Variants in KLHDC4 observed in about 807,000 individuals in gnomAD.
The protein encoded by KLHDC4 is kelch domain containing 4.
Under a neutral mutation model 62.4 loss-of-function variants are expected in KLHDC4, and 90 were observed. The observed-to-expected ratio is 1.44, with a 90% CI of 1.22 to 1.72. KLHDC4 has a LOEUF of 1.72. KLHDC4 is among the 40% of genes most tolerant of loss of function. The pLI, the probability that KLHDC4 is intolerant of heterozygous loss-of-function variation, is 0.00. For missense variants in KLHDC4, 1,025 were observed against 699.7 expected, an observed-to-expected ratio of 1.47 and a Z score of -5.25; for synonymous variants, 386 against 284.4, an observed-to-expected ratio of 1.36 and a Z score of -3.59.
intron 7 of KLHDC4, among the ~76,000 whole-genome samples, chr16:87,722,885 G>C (rs1186817984): frequency 5.3e-5 from 8 of 152,248 alleles, no homozygotes; most frequent in South Asian, 4.1e-4. Context: ...ACCTCTACTT[G>C]CTCAGTGAAA....
chr16:87,764,019 T>A (rs1048831203), intron 1 of KLHDC4, among the ~76,000 whole-genome samples: 8 of 152,118 alleles, frequency 5.3e-5, no homozygotes, highest in African/African-American at 1.9e-4. Flanking sequence ...CAGGACTAAG[T>A]GAAGGTGCGA....
At chr16:87,735,960 G>A (rs955001764) in intron 5 of KLHDC4, among the ~76,000 whole-genome samples, 15 of 152,188 alleles carry the variant, frequency 9.9e-5, no homozygotes, top group Non-Finnish European at 1.8e-4. Context: ...CACTCTGCAT[G>A]CAAACGCTTC....
intron 7 of KLHDC4, among the ~76,000 whole-genome samples, chr16:87,723,241 G>C (rs574422349): frequency 6.6e-6 from 1 of 152,152 alleles, no homozygotes; most frequent in African/African-American, 2.4e-5. Context: ...CAAATCTCTC[G>C]CTAATTCTGA....
In KLHDC4 at chr16:87,700,683, TGGAGGGC is replaced by T. The variant is rs1388518844; in HGVS notation, c.*949_*955del. 4 of 112,496 alleles carry T rather than the reference TGGAGGGC, an allele frequency of 3.6e-5. No homozygotes were observed. In the East Asian group the frequency reaches 2.1e-3, roughly 58 times the overall value. The allele number at this position is 112,496 out of a possible 1,614,324, so 7.0% of individuals were successfully genotyped here. A position where few individuals can be genotyped will look rare whatever the true frequency, so the allele number is the denominator to read the frequency against. ...AGGGCAGAGGGCGGAGGGAGGAGGT[TGGAGGGC>T]GGAGGGAGGAGGTTGGAGGGCGGAG... On this transcript the variant is annotated 3_prime_UTR_variant, in exon 1 of 1. Coordinates refer to the KLHDC4 transcript ENST00000446344.
chr16:87,712,397 G>C (rs915330947), intron 8 of KLHDC4, among the ~76,000 whole-genome samples: 1 of 152,246 alleles, frequency 6.6e-6, no homozygotes, highest in Admixed American at 6.5e-5. Flanking sequence ...GCACATGACT[G>C]TGTGAAGGAA....
intron 7 of KLHDC4, among the ~76,000 whole-genome samples, chr16:87,722,827 G>C (rs1039667358): frequency 1.3e-5 from 2 of 152,268 alleles, no homozygotes; most frequent in Non-Finnish European, 2.9e-5. Context: ...GGTCTGGCAG[G>C]AGAGTGCAGT....
At chr16:87,714,469 C>T (rs1433375918) in intron 8 of KLHDC4, 29 bp downstream of exon 8, 2 of 1,613,338 alleles carry the variant, frequency 1.2e-6, no homozygotes, top group East Asian at 2.2e-5. Context: ...GACCAGCCAG[C>T]TCCCGCCCTG....
chr16:87,701,247 C>T (rs2034130821), exon 1 of KLHDC4: 3 of 227,614 alleles, frequency 1.3e-5, no homozygotes, highest in East Asian at 1.1e-4. Context: ...TGGCACCTGG[C>T]GCTGGCTGCA....
chr16:87,725,686 G>A (rs2039239871), intron 7 of KLHDC4, among the ~76,000 whole-genome samples: 1 of 152,208 alleles, frequency 6.6e-6, no homozygotes, highest in African/African-American at 2.4e-5. Flanking sequence ...GAGTTCCGAG[G>A]ACAGAGCCTG....
chr16:87,711,133 T>G, intron 9 of KLHDC4, 102 bp downstream of exon 9: 1 of 1,198,490 alleles, frequency 8.3e-7, no homozygotes, highest in Non-Finnish European at 1.2e-6. Flanking sequence ...CTCATGGGCT[T>G]TGGGGGCCCC....
At chr16:87,760,905 C>T (rs1399948958) in intron 2 of KLHDC4, among the ~76,000 whole-genome samples, 2 of 151,094 alleles carry the variant, frequency 1.3e-5, no homozygotes, top group South Asian at 2.1e-4. Context: ...TGGTGGCTGG[C>T]GCCTGTAATC....
In KLHDC4 at chr16:87,750,040, C is replaced by T. The variant is rs1485274722; in HGVS notation, c.370-1231G>A. ...CAATCAAAAACAACGGCATCCCTGA[C>T]GGGTCATCAGACACCACCGGCTACT... is the stretch of plus-strand genomic sequence containing the variant. On this transcript the variant is annotated intron_variant, in intron 4 of 11. Transcript: ENST00000270583. Among the ~76,000 whole-genome samples the T allele has an allele frequency of 3.3e-5, 5 of 152,266 alleles. No homozygotes were observed. The South Asian group carries it at 8.3e-4, about 25-fold the overall frequency.
intron 5 of KLHDC4, among the ~76,000 whole-genome samples, chr16:87,746,555 A>G (rs1231870036): frequency 2.6e-5 from 4 of 152,152 alleles, no homozygotes; most frequent in Non-Finnish European, 4.4e-5. Context: ...TGCCAAGGCA[A>G]ACGTCTCAAA....
rs1274123304 is a variant in KLHDC4, at chr16:87,711,410, C to A, written c.869G>T (p.Gly290Val). Residue 290 changes from glycine (G) to valine (V), a missense_variant, in exon 9 of 12, where the codon GGG becomes GTG. Gly to Val is a moderately radical substitution (Grantham distance 109, BLOSUM62 -3). Coordinates refer to ENST00000270583, the MANE Select transcript of KLHDC4 (RefSeq NM_017566.4). ...KWVWTRMNPS[G>V]VKPTPRSGFS... Reference sequence around the variant, plus strand: ...GCCAGACCGTGGGGTGGGCTTGACCCCCGAAGGGTTCATCCGAGTCCAAAC... The same window carrying A: ...GCCAGACCGTGGGGTGGGCTTGACCACCGAAGGGTTCATCCGAGTCCAAAC... 1 of 1,612,798 alleles carries A rather than the reference C, an allele frequency of 6.2e-7. No individual in the cohort carries two copies. Among genetic ancestry groups the A allele is most frequent in the African/African-American group, 1.3e-5 (1 of 74,904 alleles).
At chr16:87,740,704 G>A (rs1024520436) in intron 5 of KLHDC4, 24 of 152,074 alleles carry the variant, frequency 1.6e-4, no homozygotes, top group African/African-American at 5.6e-4. Flanking sequence ...GTTTACATGC[G>A]AGGGAAAAGG....
intron 6 of KLHDC4, among the ~76,000 whole-genome samples, chr16:87,727,667 T>G (rs544467064): frequency 1.6e-4 from 25 of 152,138 alleles, no homozygotes; most frequent in South Asian, 4.2e-4. Context: ...ACCCAGAAAG[T>G]CCTGTCCTAA....
Position 87,765,938 on chromosome 16 carries a change from C to G in KLHDC4, c.-48G>C. ...CGGGACACCAGGAAAGAAAACGGCCCGCGCTCTCCGCTCGGAAACAGGTGC... is the reference window on the plus strand; with the variant it reads ...CGGGACACCAGGAAAGAAAACGGCCGGCGCTCTCCGCTCGGAAACAGGTGC... On this transcript the variant is annotated 5_prime_UTR_variant, in exon 1 of 12. Coordinates refer to ENST00000270583, the MANE Select transcript of KLHDC4 (RefSeq NM_017566.4). 1 of 1,521,720 alleles carries G rather than the reference C, an allele frequency of 6.6e-7. No homozygotes were observed. Among genetic ancestry groups the G allele is most frequent in the Non-Finnish European group, 8.9e-7 (1 of 1,123,462 alleles). 94.3% of individuals were successfully genotyped at this position (1,521,720 alleles called of 1,614,324 possible). A position where few individuals can be genotyped will look rare whatever the true frequency, so the allele number is the denominator to read the frequency against.
chr16:87,749,800 T>C (rs904536548), intron 4 of KLHDC4, among the ~76,000 whole-genome samples: 1 of 152,098 alleles, frequency 6.6e-6, no homozygotes, highest in African/African-American at 2.4e-5. Context: ...GGTCTCAAAC[T>C]CCTGGCTTTA....
intron 8 of KLHDC4, among the ~76,000 whole-genome samples, chr16:87,713,180 C>T (rs115362377): frequency 0.01 from 1,587 of 151,446 alleles, 29 homozygotes; most frequent in African/African-American, 0.036. Flanking sequence ...TACAGACGTG[C>T]GCCAGCACAC....
Sources: allele counts gnomAD v4.1 joint callset (sites outside exome capture counted in the v4.1 genomes callset), GRCh38; gene constraint gnomAD v4.1.1; transcripts MANE v1.5; gene names NCBI Gene and HGNC (gene_info 2026-07-23, HGNC 2026-07-21).